The following PRRT4 variants were observed in gnomAD, a reference collection of about 807,000 sequenced individuals.
PRRT4 encodes the protein proline-rich transmembrane protein 4.
In PRRT4, 59 loss-of-function variants were observed where a neutral mutation model predicts 55.6. The ratio of observed to expected loss-of-function variants is 1.06; its 90% CI spans 0.86 to 1.32. PRRT4 has a LOEUF of 1.32. PRRT4 is among the 40% of genes most tolerant of loss of function. The probability of loss-of-function intolerance (pLI) is 0.00; values close to 1 mark genes in which losing one functional copy is unlikely to be tolerated. For missense variants in PRRT4, 1,217 were observed against 1,222.0 expected, an observed-to-expected ratio of 1.00 and a Z score of 0.06; for synonymous variants, 606 against 601.8, an observed-to-expected ratio of 1.01 and a Z score of -0.10.
chr7:128,351,335 G>A (rs756600889), exon 5 of PRRT4: 68 of 1,546,652 alleles, frequency 4.4e-5, no homozygotes, highest in Non-Finnish European at 1.0e-5. Flanking sequence ...GGCGCAAGCA[G>A]GGCCTCGCTG....
chr7:128,352,238 G>C (rs1797001692), exon 5 of PRRT4: 1 of 1,539,562 alleles, frequency 6.5e-7, no homozygotes, highest in Non-Finnish European at 8.7e-7. Context: ...CAGGGCAGCG[G>C]AAGGTCCTGC....
At chr7:128,354,566 AAAAAACACAC>A (rs1372146979) in intron 4 of PRRT4, among the ~76,000 whole-genome samples, 8 of 28,342 alleles carry the variant, frequency 2.8e-4, no homozygotes, top group Non-Finnish European at 6.3e-4. Context: ...TCTGGCTCAA[AAAAAACACAC>A]ACACACACAC....
rs1797023430 is a variant in PRRT4, at chr7:128,352,663, A to AT, written c.892dup (p.Ile298AsnfsTer6). The AT allele has an allele frequency of 6.5e-7, 1 of 1,534,158 alleles. No individual in the cohort carries two copies. ...AGGAGAGAGGTCATCTGGGCCAGAG[A>AT]TGGGGACTGTGGGGTCTGTGGGCAA... is the stretch of plus-strand genomic sequence containing the variant. On this transcript the variant is annotated frameshift_variant, in exon 5 of 5. Transcript: ENST00000535159. LOFTEE classifies it high-confidence loss of function.
intron 4 of PRRT4, among the ~76,000 whole-genome samples, chr7:128,354,568 A>ACACACACAC (rs1562967733): frequency 1.6e-5 from 2 of 121,280 alleles, no homozygotes; most frequent in Non-Finnish European, 3.8e-5. Flanking sequence ...TGGCTCAAAA[A>ACACACACAC]AAACACACAC....
At position 128,351,930 on chromosome 7, in the gene PRRT4, C is replaced by A. The variant is rs745375588; in HGVS notation, c.1626G>T (p.Pro542=). 60 of 1,295,052 alleles carry A rather than the reference C, an allele frequency of 4.6e-5. No homozygotes were observed. The African/African-American group carries it at 8.8e-4, about 19-fold the overall frequency. The allele number at this position is 1,295,052 out of a possible 1,614,324, so 80.2% of individuals were successfully genotyped here. A position where few individuals can be genotyped will look rare whatever the true frequency, so the allele number is the denominator to read the frequency against. ...GAGGGGCGAAGGGGCTGCGCCCCTGCGGCAGGGGTGTGGCGCCCTTGAAGC... is the reference window on the plus strand; with the variant it reads ...GAGGGGCGAAGGGGCTGCGCCCCTGAGGCAGGGGTGTGGCGCCCTTGAAGC... Residue 542 remains proline, a synonymous_variant, in exon 5 of 5, where the codon CCG becomes CCT. Coordinates refer to ENST00000535159, the Ensembl canonical transcript of PRRT4.
At chr7:128,350,734 G>A, downstream of PRRT4, 1 of 1,445,752 alleles carries the variant, frequency 6.9e-7, no homozygotes, top group Admixed American at 2.3e-5. Flanking sequence ...CCCCTGGATG[G>A]GGAAGGAATC....
At chr7:128,352,037 C>G (rs1796993159) in exon 5 of PRRT4, 2 of 1,297,764 alleles carry the variant, frequency 1.5e-6, no homozygotes, top group East Asian at 3.5e-5. Context: ...GAAAGGAAAG[C>G]GGCGAGAAAG....
At chr7:128,352,060 C>T in exon 5 of PRRT4, 1 of 1,217,330 alleles carries the variant, frequency 8.2e-7, no homozygotes, top group Non-Finnish European at 1.0e-6. Context: ...GTGCAGCCCG[C>T]GCGAGGCGAG....
exon 5 of PRRT4, chr7:128,352,273 A>G: frequency 3.2e-6 from 5 of 1,543,338 alleles, no homozygotes; most frequent in Non-Finnish European, 4.4e-6. Context: ...GAGCGCGGGC[A>G]GTCGATCCCT....
chr7:128,359,068 A>G (rs1797176087), intron 3 of PRRT4, 81 bp downstream of exon 4: 1 of 1,419,292 alleles, frequency 7.0e-7, no homozygotes, highest in Non-Finnish European at 9.7e-7. Context: ...GTAAAAAAAG[A>G]AAGGTACTTG....
intron 4 of PRRT4, among the ~76,000 whole-genome samples, chr7:128,354,269 C>T (rs930156411): frequency 1.3e-5 from 2 of 152,164 alleles, no homozygotes; most frequent in Non-Finnish European, 2.9e-5. Flanking sequence ...ACACTCAAAA[C>T]ATAACAGTTC....
exon 5 of PRRT4, chr7:128,352,037 C>A: frequency 2.3e-6 from 3 of 1,297,764 alleles, no homozygotes; most frequent in Non-Finnish European, 2.9e-6. Context: ...GAAAGGAAAG[C>A]GGCGAGAAAG....
downstream of PRRT4, chr7:128,350,762 C>T: frequency 6.7e-7 from 1 of 1,493,836 alleles, no homozygotes. Flanking sequence ...GTATCTGAGC[C>T]AGGGAGGATT....
chr7:128,352,374 G>A (rs1415331497), exon 5 of PRRT4: 4 of 1,524,822 alleles, frequency 2.6e-6, no homozygotes, highest in Admixed American at 2.0e-5. Context: ...AGGGGGCGCC[G>A]GGCGGGCACC....
exon 5 of PRRT4, chr7:128,351,001 T>A (rs753010298): frequency 4.1e-5 from 63 of 1,550,338 alleles, no homozygotes; most frequent in Non-Finnish European, 5.4e-5. Context: ...CAGGGCCTGG[T>A]AGGATCCTGA....
chr7:128,354,402 A>G (rs1410638978), intron 4 of PRRT4, among the ~76,000 whole-genome samples: 1 of 152,172 alleles, frequency 6.6e-6, no homozygotes, highest in African/African-American at 2.4e-5. Flanking sequence ...CATCTCTACT[A>G]AAAATACAAA....
intron 4 of PRRT4, among the ~76,000 whole-genome samples, chr7:128,354,334 C>T (rs113841128): frequency 0.19 from 29,078 of 152,104 alleles, 3,731 homozygotes; most frequent in Middle Eastern, 0.27. Flanking sequence ...GAGGCCGTGG[C>T]GAGCAGATCA....
rs961180957 is a variant in PRRT4, at chr7:128,353,745, T to C, written c.878-1067A>G. On this transcript the variant is annotated intron_variant, in intron 4 of 4. Coordinates refer to ENST00000535159, the Ensembl canonical transcript of PRRT4. ...CTTAGGAACTCCCAGGGAGAAACTCTTGGGGACATCATAGTGGGATAAAAT... is the reference window on the plus strand; with the variant it reads ...CTTAGGAACTCCCAGGGAGAAACTCCTGGGGACATCATAGTGGGATAAAAT... 4.6e-5 allele frequency among the ~76,000 whole-genome samples: 7 copies of C among 152,300 alleles called. No individual in the cohort carries two copies. The South Asian group carries it at 6.2e-4, about 14-fold the overall frequency.
chr7:128,350,325 T>G (rs1372595133), downstream of PRRT4: 2 of 154,934 alleles, frequency 1.3e-5, no homozygotes, highest in Non-Finnish European at 2.9e-5. Flanking sequence ...CAGACCTTGC[T>G]CCTCTGAAAA....
Sources: allele counts gnomAD v4.1 joint callset (sites outside exome capture counted in the v4.1 genomes callset), GRCh38; gene constraint gnomAD v4.1.1; transcripts MANE v1.5; gene names NCBI Gene and HGNC (gene_info 2026-07-23, HGNC 2026-07-21).